The following SAV1 variants were observed in gnomAD, a reference collection of about 807,000 sequenced individuals.
SAV1 encodes salvador family WW domain containing protein 1, also known as protein salvador homolog 1.
A neutral mutation model predicts 47.3 loss-of-function variants in SAV1; 23 were observed. The ratio of observed to expected loss-of-function variants is 0.49; its 90% CI spans 0.35 to 0.69. The LOEUF is 0.69. Among genes scored for constraint, SAV1 ranks in the 30% least tolerant of loss-of-function variants. The probability of loss-of-function intolerance (pLI) is 0.01; values close to 1 mark genes in which losing one functional copy is unlikely to be tolerated. For synonymous variants in SAV1, 155 were observed against 159.2 expected, an observed-to-expected ratio of 0.97 and a Z score of 0.20; for missense variants, 448 against 457.4, an observed-to-expected ratio of 0.98 and a Z score of 0.19.
Position 50,635,254 on chromosome 14 carries a change from G to C in SAV1, c.1081C>G (p.Leu361Val), listed in dbSNP as rs2039624684. The C allele has an allele frequency of 1.2e-6, 2 of 1,613,972 alleles. No homozygotes were observed. The highest frequency in any genetic ancestry group is 1.3e-5 in the African/African-American group (1 of 74,904). The change falls in exon 5 of 5, where the codon CTT (leucine) becomes GTT (valine). Residue 361 changes from leucine (L) to valine (V), a missense_variant. By Grantham distance (32) the Leu-to-Val change is conservative (BLOSUM62 1). Coordinates refer to ENST00000324679, the MANE Select transcript of SAV1 (RefSeq NM_021818.4). ...TTTCGGTTTTCCAACTCTGTAAGAA[G>C]GGCTTGTCTGTATGCTTCATACATT... ...VKMYEAYRQA[L>V]LTELENRKQR...
intron 2 of SAV1, among the ~76,000 whole-genome samples, chr14:50,645,696 A>T (rs1211626501): frequency 1.8e-5 from 2 of 113,112 alleles, no homozygotes; most frequent in East Asian, 4.2e-4. Context: ...GGAAAAAGAA[A>T]ATTTCCCCTG....
chr14:50,641,299 C>G (rs1270959199), intron 3 of SAV1, among the ~76,000 whole-genome samples: 1 of 152,022 alleles, frequency 6.6e-6, no homozygotes, highest in Non-Finnish European at 1.5e-5. Flanking sequence ...TGAAATATCT[C>G]TATCCAATGC....
chr14:50,647,152 T>C (rs72681603), intron 2 of SAV1, among the ~76,000 whole-genome samples: 3,308 of 151,932 alleles, frequency 0.022, 67 homozygotes, highest in Non-Finnish European at 0.032. Flanking sequence ...AAGAAAAAAA[T>C]AGAATAAATT....
At chr14:50,638,741 T>C (rs2039657683) in intron 4 of SAV1, among the ~76,000 whole-genome samples, 1 of 152,178 alleles carries the variant, frequency 6.6e-6, no homozygotes. Flanking sequence ...CTTGACAATG[T>C]TTTTGCTGTC....
intron 4 of SAV1, among the ~76,000 whole-genome samples, chr14:50,639,590 T>G (rs752452736): frequency 6.6e-6 from 1 of 152,178 alleles, no homozygotes; most frequent in Non-Finnish European, 1.5e-5. Context: ...TTCCTTGAGT[T>G]TTATAGTTAG....
Position 50,641,497 on chromosome 14 carries a change from T to A in SAV1, c.807-604A>T, listed in dbSNP as rs369274843. Among the ~76,000 whole-genome samples, 217 of 152,208 alleles carry A rather than the reference T, an allele frequency of 1.4e-3. 5 individuals are homozygous for A. In the South Asian group the frequency reaches 0.042, roughly 29 times the overall value. On this transcript the variant is annotated intron_variant, in intron 3 of 4. Transcript: ENST00000324679. ...GGAAAGCACTGAACCACCTGAAGGTTAATAGCTGAACTCGAAGCGGCCAAA... is the reference window on the plus strand; with the variant it reads ...GGAAAGCACTGAACCACCTGAAGGTAAATAGCTGAACTCGAAGCGGCCAAA...
chr14:50,644,615 A>G (rs1043734527), intron 3 of SAV1, 129 bp downstream of exon 3: 1 of 849,356 alleles, frequency 1.2e-6, no homozygotes, highest in Admixed American at 2.9e-5. Context: ...AGAAAAATGT[A>G]AATTTTGAAA....
chr14:50,657,656 C>G (rs1047989903), intron 2 of SAV1, among the ~76,000 whole-genome samples: 8 of 152,156 alleles, frequency 5.3e-5, no homozygotes, highest in African/African-American at 1.9e-4. Flanking sequence ...TTTTGAGTGA[C>G]AAGAACAAAA....
At chr14:50,665,698 C>T (rs1240306914) in intron 1 of SAV1, 79 bp from the exon 2 acceptor site, 1 of 1,256,202 alleles carries the variant, frequency 8.0e-7, no homozygotes, top group Non-Finnish European at 1.1e-6. Context: ...TTTATGTCTA[C>T]CACCCCAAAA....
intron 2 of SAV1, chr14:50,664,905 G>C (rs951986910): frequency 4.2e-6 from 1 of 239,474 alleles, no homozygotes; most frequent in African/African-American, 2.3e-5. Context: ...AATTCTCTAG[G>C]TTTTCAAGGG....
At chr14:50,648,691 T>A (rs971044226) in intron 2 of SAV1, among the ~76,000 whole-genome samples, 9 of 151,806 alleles carry the variant, frequency 5.9e-5, no homozygotes, top group African/African-American at 2.2e-4. Context: ...GACAGGAGAA[T>A]GGCGTGAACC....
intron 2 of SAV1, among the ~76,000 whole-genome samples, chr14:50,650,413 C>T (rs1211507542): frequency 1.3e-5 from 2 of 152,170 alleles, no homozygotes; most frequent in African/African-American, 4.8e-5. Context: ...AGAGTCTGGA[C>T]AGTACACCAC....
chr14:50,647,134 G>C (rs770242682), intron 2 of SAV1, among the ~76,000 whole-genome samples: 3 of 151,856 alleles, frequency 2.0e-5, no homozygotes, highest in African/African-American at 4.8e-5. Flanking sequence ...AAACTATAAC[G>C]CTTTTACAAG....
Position 50,667,349 on chromosome 14 carries a change from T to C in SAV1, c.94+525A>G, listed in dbSNP as rs1211774621. The C allele has an allele frequency of 2.0e-5, 9 of 450,638 alleles. No individual in the cohort carries two copies. The Admixed American group carries it at 2.1e-4, about 11-fold the overall frequency. 27.9% of individuals were successfully genotyped at this position (450,638 alleles called of 1,614,324 possible). Reference sequence around the variant, plus strand: ...TGTGTAAGAGTGATGAGGCTTTGGGTGGCGGCTACAAGAACGACGGTATGC... The same window carrying C: ...TGTGTAAGAGTGATGAGGCTTTGGGCGGCGGCTACAAGAACGACGGTATGC... On this transcript the variant is annotated intron_variant, in intron 1 of 4. Transcript: ENST00000324679.
chr14:50,635,312 C>T lies in SAV1; in HGVS notation c.1023G>A (p.Leu341=), dbSNP rs1329569692. Residue 341 remains leucine, a synonymous_variant, in exon 5 of 5, where the codon TTG becomes TTA. Coordinates refer to ENST00000324679, the MANE Select transcript of SAV1 (RefSeq NM_021818.4). The part of the protein sequence containing the change: ...DLDTYQGMLK[L]LFMKELEQIV... ...TCTGCTCCAATTCTTTCATGAAGAG[C>T]AACTTTAGCATTCCCTGGTATGTAT... The T allele has an allele frequency of 3.1e-6, 5 of 1,613,998 alleles. No individual in the cohort carries two copies. Among genetic ancestry groups the T allele is most frequent in the Non-Finnish European group, 4.2e-6 (5 of 1,180,008 alleles).
intron 2 of SAV1, among the ~76,000 whole-genome samples, chr14:50,658,964 T>C (rs908359742): frequency 6.6e-6 from 1 of 152,180 alleles, no homozygotes; most frequent in African/African-American, 2.4e-5. Context: ...AAAAAAGTAC[T>C]ACTTTTTTCT....
chr14:50,668,024 G>C lies in SAV1; in HGVS notation c.-57C>G. 2 of 1,339,914 alleles carry C rather than the reference G, an allele frequency of 1.5e-6. No individual in the cohort carries two copies. Among genetic ancestry groups the C allele is most frequent in the Non-Finnish European group, 2.0e-6 (2 of 1,014,716 alleles). The allele number at this position is 1,339,914 out of a possible 1,614,324, so 83.0% of individuals were successfully genotyped here. On this transcript the variant is annotated 5_prime_UTR_variant, in exon 1 of 5. Transcript: ENST00000324679. ...CTGCCTCCCTAGGGCTCCGCGCCGG[G>C]CGCCGGCCGTCTCCGCCGCCACCTC...
chr14:50,660,589 C>G (rs2039850503), intron 2 of SAV1, among the ~76,000 whole-genome samples: 1 of 152,144 alleles, frequency 6.6e-6, no homozygotes, highest in Non-Finnish European at 1.5e-5. Flanking sequence ...GGGTATCCAT[C>G]ACCGTGAGTA....
intron 3 of SAV1, among the ~76,000 whole-genome samples, chr14:50,641,959 A>C (rs2039683605): frequency 1.3e-5 from 2 of 152,244 alleles, no homozygotes; most frequent in African/African-American, 4.8e-5. Context: ...GTATCAACCT[A>C]AATGCCCATC....
Sources: gnomAD v4.1 joint callset for allele counts (sites outside exome capture counted in the v4.1 genomes callset) on GRCh38, gnomAD v4.1.1 for gene constraint, MANE v1.5 for transcripts, NCBI Gene and HGNC (gene_info 2026-07-23, HGNC 2026-07-21) for gene names.